The following JAZF1 variants were observed in gnomAD, a reference collection of about 807,000 sequenced individuals.
The protein encoded by JAZF1 is JAZF zinc finger 1.
In JAZF1, 8 loss-of-function variants were observed where a neutral mutation model predicts 26.4. The ratio of observed to expected loss-of-function variants is 0.30; its 90% CI spans 0.18 to 0.55. The LOEUF is 0.55. JAZF1 is among the 20% of genes least tolerant of loss of function. JAZF1 has a pLI of 0.94. For missense variants in JAZF1, 199 were observed against 322.0 expected, an observed-to-expected ratio of 0.62 and a Z score of 2.92; for synonymous variants, 126 against 122.3, an observed-to-expected ratio of 1.03 and a Z score of -0.20.
chr7:28,079,663 A>G (rs991504672), intron 1 of JAZF1, among the ~76,000 whole-genome samples: 1 of 152,254 alleles, frequency 6.6e-6, no homozygotes, highest in Non-Finnish European at 1.5e-5. Flanking sequence ...ACTGAGTAGG[A>G]ACTTAAGAAC....
chr7:27,895,606 A>G (rs900356614), intron 2 of JAZF1, among the ~76,000 whole-genome samples, 190 bp from the exon 3 acceptor site: 4 of 152,160 alleles, frequency 2.6e-5, no homozygotes, highest in Non-Finnish European at 4.4e-5. Context: ...TGTTATTTTT[A>G]AGGTTTCTCA....
intron 1 of JAZF1, among the ~76,000 whole-genome samples, chr7:28,120,382 G>A (rs962196148): frequency 1.3e-5 from 2 of 150,784 alleles, no homozygotes; most frequent in African/African-American, 2.4e-5. Context: ...AAGCTAAATT[G>A]TAATATCAAA....
At chr7:27,972,957 A>G (rs1417370668) in intron 2 of JAZF1, among the ~76,000 whole-genome samples, 1 of 151,164 alleles carries the variant, frequency 6.6e-6, no homozygotes, top group African/African-American at 2.4e-5. Context: ...ATATATACAC[A>G]CACACACACA....
At chr7:27,905,435 CT>C (rs55972060) in intron 2 of JAZF1, among the ~76,000 whole-genome samples, 121,682 of 144,506 alleles carry the variant, frequency 0.84, 51,846 homozygotes, top group South Asian at 0.94. Flanking sequence ...TTCTTTCTTT[CT>C]TTTTTTTTTT....
chr7:27,839,226 T>C (rs1405681801), intron 4 of JAZF1, among the ~76,000 whole-genome samples: 1 of 152,144 alleles, frequency 6.6e-6, no homozygotes, highest in Non-Finnish European at 1.5e-5. Flanking sequence ...CTCCCGCTTT[T>C]AACATGGCCG....
rs573262778 is a variant in JAZF1, at chr7:28,060,736, G to A, written c.116-68755C>T. 7.2e-5 allele frequency among the ~76,000 whole-genome samples: 11 copies of A among 152,302 alleles called. No individual in the cohort carries two copies. The East Asian group carries it at 2.1e-3, about 29-fold the overall frequency. ...CTTAGAGGTACCAGTTCCATGGTGGGAGGAGCCTTTGCTAATTATACAGTT... is the reference window on the plus strand; with the variant it reads ...CTTAGAGGTACCAGTTCCATGGTGGAAGGAGCCTTTGCTAATTATACAGTT... On this transcript the variant is annotated intron_variant, in intron 1 of 4. Coordinates refer to ENST00000283928, the MANE Select transcript of JAZF1 (RefSeq NM_175061.4).
chr7:27,987,380 G>A (rs1310726325), intron 2 of JAZF1, among the ~76,000 whole-genome samples: 5 of 151,476 alleles, frequency 3.3e-5, no homozygotes, highest in African/African-American at 4.9e-5. Flanking sequence ...GTCTCTGCCC[G>A]GCCGCCCCGT....
chr7:28,174,821 GGTGTGTGTGTGTGTGT>G lies in JAZF1; in HGVS notation c.115+5626_115+5641del, dbSNP rs58952216. On this transcript the variant is annotated intron_variant, in intron 1 of 4. Transcript: ENST00000283928. ...CCTGATCCTGCCTATGGGGTGTGTG[GGTGTGTGTGTGTGTGT>G]GTGTGTGTGTGTATGCACATGTATT... 6.0e-4 allele frequency among the ~76,000 whole-genome samples: 65 copies of G among 107,798 alleles called. 20 individuals carry two copies. Among genetic ancestry groups the G allele is most frequent in the Non-Finnish European group, 1.3e-3 (55 of 43,102 alleles). The allele number at this position is 107,798 out of a possible 152,430, so 70.7% of individuals were successfully genotyped here.
chr7:28,071,454 A>C (rs1783975618), intron 1 of JAZF1, among the ~76,000 whole-genome samples: 1 of 152,212 alleles, frequency 6.6e-6, no homozygotes, highest in Admixed American at 6.5e-5. Flanking sequence ...CCTCCTTTCA[A>C]ACTTTTATAA....
intron 3 of JAZF1, among the ~76,000 whole-genome samples, chr7:27,888,957 C>A (rs941386983): frequency 6.6e-6 from 1 of 152,176 alleles, no homozygotes; most frequent in Admixed American, 6.5e-5. Context: ...CATGAGTGAG[C>A]ATCTGTCAGT....
chr7:28,014,544 GCT>G (rs1562559351), intron 1 of JAZF1, among the ~76,000 whole-genome samples: 5 of 152,164 alleles, frequency 3.3e-5, no homozygotes, highest in African/African-American at 1.2e-4. Flanking sequence ...CCCTGCACAA[GCT>G]CTCTCTCTTT....
intron 1 of JAZF1, among the ~76,000 whole-genome samples, chr7:28,019,790 A>G (rs905853411): frequency 2.6e-5 from 4 of 152,166 alleles, no homozygotes; most frequent in Admixed American, 6.5e-5. Flanking sequence ...GATAGAGACA[A>G]GAGTAACACT....
intron 2 of JAZF1, among the ~76,000 whole-genome samples, chr7:27,960,889 C>T (rs1426988496): frequency 6.6e-6 from 1 of 152,172 alleles, no homozygotes; most frequent in Non-Finnish European, 1.5e-5. Flanking sequence ...GAACAGACAA[C>T]AAACACAGCT....
intron 2 of JAZF1, among the ~76,000 whole-genome samples, chr7:27,972,854 T>TATATAC (rs929996478): frequency 3.3e-5 from 5 of 151,838 alleles, no homozygotes; most frequent in African/African-American, 9.7e-5. Context: ...TATATATATA[T>TATATAC]ACACACACAT....
At chr7:28,113,888 A>G (rs1446068477) in intron 1 of JAZF1, among the ~76,000 whole-genome samples, 1 of 152,212 alleles carries the variant, frequency 6.6e-6, no homozygotes, top group African/African-American at 2.4e-5. Flanking sequence ...TATATATGAA[A>G]TAAGTAGATT....
intron 1 of JAZF1, among the ~76,000 whole-genome samples, chr7:28,076,123 T>G (rs1784047677): frequency 6.6e-6 from 1 of 152,170 alleles, no homozygotes; most frequent in African/African-American, 2.4e-5. Context: ...CTGCTCTAAT[T>G]GCATTCTTCA....
At chr7:28,076,460 A>G (rs1784052907) in intron 1 of JAZF1, among the ~76,000 whole-genome samples, 1 of 152,196 alleles carries the variant, frequency 6.6e-6, no homozygotes, top group African/African-American at 2.4e-5. Context: ...AAAAAGAAGA[A>G]AAAAGGTCAA....
chr7:28,005,929 G>A (rs1036073728), intron 1 of JAZF1, among the ~76,000 whole-genome samples: 5 of 151,698 alleles, frequency 3.3e-5, no homozygotes, highest in Admixed American at 2.6e-4. Context: ...AATGTAAGAT[G>A]GTAGTTACTG....
At chr7:28,132,442 CTGCCTGCAAAGATTTCAAAGGAGTCA>C in intron 1 of JAZF1, among the ~76,000 whole-genome samples, 1 of 152,126 alleles carries the variant, frequency 6.6e-6, no homozygotes. Context: ...GAAACCAGGG[CTGCCTGCAAAGATTTCAAAGGAGTCA>C]ACTTCAAGGA....
Sources: gnomAD v4.1 joint callset for allele counts (sites outside exome capture counted in the v4.1 genomes callset) on GRCh38, gnomAD v4.1.1 for gene constraint, MANE v1.5 for transcripts, NCBI Gene and HGNC (gene_info 2026-07-23, HGNC 2026-07-21) for gene names.